The following SPIN1 variants were observed in gnomAD, a reference collection of about 807,000 sequenced individuals.
SPIN1 encodes spindlin 1, also known as spindlin-1.
Under a neutral mutation model 26.0 loss-of-function variants are expected in SPIN1, and 3 were observed. The observed-to-expected ratio is 0.12, with a 90% confidence interval of 0.05 to 0.30. The LOEUF is 0.30. Among genes scored for constraint, SPIN1 ranks in the 10% least tolerant of loss-of-function variants. SPIN1 has a pLI of 1.00. For missense variants in SPIN1, 126 were observed against 333.4 expected (o/e 0.38, Z 4.84); for synonymous variants, 101 against 116.5 (o/e 0.87, Z 0.86).
chr9:88,440,973 A>C (rs1828110760), intron 2 of SPIN1, among the ~76,000 whole-genome samples: 1 of 151,570 alleles, frequency 6.6e-6, no homozygotes, highest in African/African-American at 2.4e-5. Flanking sequence ...TCGAAATAAT[A>C]ATATATTGCT....
chr9:88,450,276 AC>A (rs1482198454), intron 3 of SPIN1, among the ~76,000 whole-genome samples: 1 of 152,214 alleles, frequency 6.6e-6, no homozygotes, highest in Non-Finnish European at 1.5e-5. Flanking sequence ...ATGATGAAAA[AC>A]TTAAATACAG....
intron 2 of SPIN1, among the ~76,000 whole-genome samples, chr9:88,445,343 A>G (rs1168564925): frequency 6.6e-6 from 1 of 151,820 alleles, no homozygotes. Flanking sequence ...CACATACTTA[A>G]TTCTTCACCC....
chr9:88,423,388 G>A (rs898057381), intron 1 of SPIN1, among the ~76,000 whole-genome samples: 2 of 152,028 alleles, frequency 1.3e-5, no homozygotes, highest in Non-Finnish European at 2.9e-5. Flanking sequence ...TGGAGTCATG[G>A]GATGTTTTTT....
intron 1 of SPIN1, among the ~76,000 whole-genome samples, chr9:88,418,513 G>C (rs1294843256): frequency 6.6e-6 from 1 of 152,112 alleles, no homozygotes; most frequent in African/African-American, 2.4e-5. Context: ...TTTTTCATTA[G>C]TGGTCCTGGT....
Position 88,426,492 on chromosome 9 carries a change from A to C in SPIN1, c.-48A>C. 6.6e-7 allele frequency: 1 copy of C among 1,520,034 alleles called. No individual in the cohort carries two copies. Among genetic ancestry groups the C allele is most frequent in the Non-Finnish European group, 9.1e-7 (1 of 1,103,062 alleles). The allele number at this position is 1,520,034 out of a possible 1,614,324, so 94.2% of individuals were successfully genotyped here. On this transcript the variant is annotated 5_prime_UTR_variant, in exon 2 of 6. Coordinates refer to ENST00000375859, the MANE Select transcript of SPIN1 (RefSeq NM_006717.3). ...AAAGTTTCAAATTGGAGAATATTGA[A>C]TTTTCACCCTAGTCCAGCAGCTCCG...
At chr9:88,412,026 A>G (rs2117963309) in intron 1 of SPIN1, among the ~76,000 whole-genome samples, 1 of 151,884 alleles carries the variant, frequency 6.6e-6, no homozygotes, top group South Asian at 2.1e-4. Flanking sequence ...AAAAAAAAAA[A>G]AAAATAGCTG....
chr9:88,457,822 A>G (rs1828500215), intron 3 of SPIN1: 1 of 981,426 alleles, frequency 1.0e-6, no homozygotes, highest in African/African-American at 1.7e-5. Flanking sequence ...ATACATGAGA[A>G]AAAAATGTGA....
At chr9:88,474,029 A>G (rs1828843702) in intron 5 of SPIN1, among the ~76,000 whole-genome samples, 1 of 152,200 alleles carries the variant, frequency 6.6e-6, no homozygotes, top group Non-Finnish European at 1.5e-5. Flanking sequence ...TCATTCAGTG[A>G]GAGAATTTAT....
At chr9:88,406,346 C>T (rs1051200656) in intron 1 of SPIN1, among the ~76,000 whole-genome samples, 2 of 150,724 alleles carry the variant, frequency 1.3e-5, no homozygotes, top group East Asian at 2.0e-4. Context: ...GCTGAGTTGC[C>T]GTGGCGCAGA....
At chr9:88,407,736 A>C (rs911031363) in intron 1 of SPIN1, among the ~76,000 whole-genome samples, 1 of 151,644 alleles carries the variant, frequency 6.6e-6, no homozygotes, top group African/African-American at 2.4e-5. Flanking sequence ...AAGTTTTAAA[A>C]ATCACTCCTA....
At chr9:88,426,338 G>C (rs1362720370) in intron 1 of SPIN1, 44 bp from the exon 2 acceptor site, 4 of 430,988 alleles carry the variant, frequency 9.3e-6, no homozygotes. Flanking sequence ...GCATAATTTT[G>C]CTCTCTTGAT....
intron 3 of SPIN1, among the ~76,000 whole-genome samples, chr9:88,455,673 T>C (rs1268730007): frequency 6.6e-6 from 1 of 152,138 alleles, no homozygotes; most frequent in Admixed American, 6.5e-5. Flanking sequence ...CACTTGTGGG[T>C]TTTTAAAATA....
intron 2 of SPIN1, among the ~76,000 whole-genome samples, chr9:88,444,236 ATTTTT>A (rs745590731): frequency 2.9e-5 from 3 of 102,430 alleles, no homozygotes; most frequent in Non-Finnish European, 5.7e-5. Flanking sequence ...TCTTGTTCCC[ATTTTT>A]TTTTTTTTTT....
chr9:88,468,692 T>A (rs1828718587), intron 5 of SPIN1, 87 bp downstream of exon 5: 1 of 823,834 alleles, frequency 1.2e-6, no homozygotes, highest in Non-Finnish European at 1.7e-6. Flanking sequence ...CTTTTGCAGA[T>A]ACATTTTTAT....
rs115815143 is a variant in SPIN1 at position 88,453,383 on chromosome 9, G to A, written c.101+4394G>A. Among the ~76,000 whole-genome samples, 200 of 152,248 alleles carry A rather than the reference G, an allele frequency of 1.3e-3. 1 individual carries two copies. Among genetic ancestry groups the A allele is most frequent in the African/African-American group, 4.6e-3 (189 of 41,536 alleles). ...GCTGCAGCATCAATTTGGCACTTGG[G>A]AGCTTATAGGAATTCTTTTGTTCCT... On this transcript the variant is annotated intron_variant, in intron 3 of 5. Coordinates refer to ENST00000375859, the MANE Select transcript of SPIN1 (RefSeq NM_006717.3).
chr9:88,443,027 G>C (rs1396518812), intron 2 of SPIN1, among the ~76,000 whole-genome samples: 5 of 151,574 alleles, frequency 3.3e-5, no homozygotes, highest in African/African-American at 1.2e-4. Flanking sequence ...GGCTGAGGCA[G>C]GCGAATCGCT....
At chr9:88,400,199 G>T (rs896527742) in intron 1 of SPIN1, among the ~76,000 whole-genome samples, 1 of 151,956 alleles carries the variant, frequency 6.6e-6, no homozygotes, top group Non-Finnish European at 1.5e-5. Flanking sequence ...GACTGTAGTT[G>T]CAGCAGGCCC....
chr9:88,397,850 C>T (rs989453422), intron 1 of SPIN1, among the ~76,000 whole-genome samples: 1 of 151,358 alleles, frequency 6.6e-6, no homozygotes, highest in African/African-American at 2.4e-5. Context: ...TCGCCATCTC[C>T]TGACCTCAAG....
chr9:88,415,060 C>A (rs373612720), intron 1 of SPIN1, among the ~76,000 whole-genome samples: 1 of 151,970 alleles, frequency 6.6e-6, no homozygotes, highest in Non-Finnish European at 1.5e-5. Flanking sequence ...CATGCCACCA[C>A]GCCTGGCTAA....
Sources: allele counts gnomAD v4.1 joint callset (sites outside exome capture counted in the v4.1 genomes callset), GRCh38; gene constraint gnomAD v4.1.1; transcripts MANE v1.5; gene names NCBI Gene and HGNC (gene_info 2026-07-23, HGNC 2026-07-21).